The following CKMT2 variants were observed in gnomAD, a reference collection of about 807,000 sequenced individuals.
CKMT2 encodes the protein creatine kinase, mitochondrial 2.
CKMT2 carries 43 observed loss-of-function variants against 48.9 expected under a neutral mutation model. That is an observed-to-expected ratio of 0.88 (90% CI 0.69 to 1.13). CKMT2 has a LOEUF of 1.13. Among genes scored for constraint, CKMT2 ranks in the 50% most tolerant of loss-of-function variants. The pLI is 0.00. For missense variants in CKMT2, 472 were observed against 555.4 expected (o/e 0.85, Z 1.51); for synonymous variants, 206 against 213.0 (o/e 0.97, Z 0.29).
intron 3 of CKMT2, among the ~76,000 whole-genome samples, chr5:81,253,274 G>A (rs1756885458): frequency 6.6e-6 from 1 of 152,200 alleles, no homozygotes; most frequent in African/African-American, 2.4e-5. Flanking sequence ...TGGGGGTCGG[G>A]AGGAGGGTTC....
chr5:81,235,274 G>A (rs934313517), intron 1 of CKMT2, among the ~76,000 whole-genome samples: 47 of 152,290 alleles, frequency 3.1e-4, no homozygotes, highest in African/African-American at 1.1e-3. Flanking sequence ...GGTTGGCTGC[G>A]TACTAAGTGG....
Position 81,266,327 on chromosome 5 carries a change from G to A in CKMT2, c.*69G>A. 2 of 1,451,354 alleles carry A rather than the reference G, an allele frequency of 1.4e-6. No individual in the cohort carries two copies. Among genetic ancestry groups the A allele is most frequent in the Non-Finnish European group, 1.9e-6 (2 of 1,052,088 alleles). The allele number at this position is 1,451,354 out of a possible 1,614,324, so 89.9% of individuals were successfully genotyped here. On this transcript the variant is annotated 3_prime_UTR_variant, in exon 10 of 10. Coordinates refer to ENST00000254035, the MANE Select transcript of CKMT2 (RefSeq NM_001099735.2). ...ACAGACATAAATCTCTACTCTGAGAGTTTTTATACACTTGGAAAAATATAA... is the reference window on the plus strand; with the variant it reads ...ACAGACATAAATCTCTACTCTGAGAATTTTTATACACTTGGAAAAATATAA...
At chr5:81,249,410 A>G (rs954685742) in intron 1 of CKMT2, among the ~76,000 whole-genome samples, 3 of 152,150 alleles carry the variant, frequency 2.0e-5, no homozygotes, top group Non-Finnish European at 4.4e-5. Flanking sequence ...CATTATGGAG[A>G]TCAAATAGAG....
At chr5:81,239,551 A>G (rs1756364841) in intron 1 of CKMT2, among the ~76,000 whole-genome samples, 1 of 152,188 alleles carries the variant, frequency 6.6e-6, no homozygotes, top group South Asian at 2.1e-4. Flanking sequence ...ATGGGTGTGC[A>G]GGGGTCTATT....
intron 4 of CKMT2, 82 bp downstream of exon 4, chr5:81,254,573 C>T: frequency 8.2e-7 from 1 of 1,218,374 alleles, no homozygotes; most frequent in Non-Finnish European, 1.2e-6. Context: ...GAGGGGTTCC[C>T]CGCTGTAAGT....
chr5:81,259,508 T>C (rs6893467), intron 8 of CKMT2: 59,106 of 316,438 alleles, frequency 0.19, 6,075 homozygotes, highest in Admixed American at 0.29. Flanking sequence ...CAAATCAGGA[T>C]AGGTAGGCTC....
chr5:81,250,042 A>T (rs547113135), intron 1 of CKMT2, among the ~76,000 whole-genome samples: 8 of 152,306 alleles, frequency 5.3e-5, no homozygotes. Flanking sequence ...ATTCCTCTTC[A>T]AATCTGACTT....
chr5:81,251,885 TTTC>T (rs1284500741), intron 2 of CKMT2: 1 of 152,870 alleles, frequency 6.5e-6, no homozygotes, highest in Non-Finnish European at 1.5e-5. Context: ...AATATCTGTT[TTTC>T]ATCTTAGGAT....
chr5:81,254,319 A>T (rs1756922379), intron 3 of CKMT2, 77 bp from the exon 4 acceptor site: 2 of 1,267,028 alleles, frequency 1.6e-6, no homozygotes, highest in South Asian at 2.4e-5. Flanking sequence ...TTAAGATACA[A>T]GGGGCAAGTG....
intron 6 of CKMT2, among the ~76,000 whole-genome samples, 164 bp downstream of exon 6, chr5:81,257,164 G>A (rs148168550): frequency 1.5e-5 from 2 of 137,840 alleles, no homozygotes; most frequent in African/African-American, 5.3e-5. Flanking sequence ...GTGTGTGTGT[G>A]TGTGTGTGTG....
intron 2 of CKMT2, chr5:81,251,890 T>C (rs1404806868): frequency 1.3e-5 from 2 of 152,896 alleles, no homozygotes; most frequent in Non-Finnish European, 2.9e-5. Context: ...CTGTTTTTCA[T>C]CTTAGGATCC....
At chr5:81,240,357 T>C (rs1756394866) in intron 1 of CKMT2, among the ~76,000 whole-genome samples, 1 of 152,222 alleles carries the variant, frequency 6.6e-6, no homozygotes, top group African/African-American at 2.4e-5. Flanking sequence ...CTGAGGCAGC[T>C]GGAACTCTCT....
intron 8 of CKMT2, among the ~76,000 whole-genome samples, chr5:81,261,313 C>T (rs112458737): frequency 0.015 from 2,253 of 152,264 alleles, 47 homozygotes; most frequent in African/African-American, 0.051. Context: ...ATGCCCTCTC[C>T]CACCACTCCT....
intron 8 of CKMT2, among the ~76,000 whole-genome samples, chr5:81,262,175 T>C (rs1394604079): frequency 6.6e-6 from 1 of 152,156 alleles, no homozygotes. Flanking sequence ...CCTTACACTT[T>C]ATACAAAAAG....
At chr5:81,236,847 T>C (rs192497663) in intron 1 of CKMT2, among the ~76,000 whole-genome samples, 4 of 152,242 alleles carry the variant, frequency 2.6e-5, no homozygotes, top group East Asian at 3.9e-4. Context: ...TCCGCAGAGA[T>C]AGAAAATACA....
Position 81,254,504 on chromosome 5 carries a change from C to T in CKMT2, c.447+13C>T. Reference sequence around the variant, plus strand: ...GGATGCATCAAAGGTAGGCTCCAGCCTCCCTCTCCTTCCCCACGAAGCTGG... The same window carrying T: ...GGATGCATCAAAGGTAGGCTCCAGCTTCCCTCTCCTTCCCCACGAAGCTGG... On this transcript the variant is annotated intron_variant, in intron 4 of 9. Transcript: ENST00000254035. 1 of 1,610,510 alleles carries T rather than the reference C, an allele frequency of 6.2e-7. No individual in the cohort carries two copies. Among genetic ancestry groups the T allele is most frequent in the Non-Finnish European group, 8.5e-7 (1 of 1,176,756 alleles).
At chr5:81,246,856 G>A (rs1756628574) in intron 1 of CKMT2, 1 of 152,232 alleles carries the variant, frequency 6.6e-6, no homozygotes. Context: ...AGCAGCCAGG[G>A]TTCCCTGGAA....
At chr5:81,249,193 A>G (rs753714894) in intron 1 of CKMT2, among the ~76,000 whole-genome samples, 1 of 151,980 alleles carries the variant, frequency 6.6e-6, no homozygotes, top group African/African-American at 2.4e-5. Flanking sequence ...AGACTACACT[A>G]CAGGTGCATG....
intron 9 of CKMT2, 33 bp from the exon 10 acceptor site, chr5:81,266,106 C>A: frequency 6.2e-7 from 1 of 1,605,672 alleles, no homozygotes; most frequent in South Asian, 1.1e-5. Flanking sequence ...TGCTTCTATT[C>A]AAATTAATCA....
Sources: allele counts gnomAD v4.1 joint callset (sites outside exome capture counted in the v4.1 genomes callset), GRCh38; gene constraint gnomAD v4.1.1; transcripts MANE v1.5; gene names NCBI Gene and HGNC (gene_info 2026-07-23, HGNC 2026-07-21).